The following PARD3 variants were observed in gnomAD, a reference collection of about 807,000 sequenced individuals.
The protein encoded by PARD3 is partitioning defective 3 homolog.
Under a neutral mutation model 155.4 loss-of-function variants are expected in PARD3, and 75 were observed. That is an observed-to-expected ratio of 0.48 (90% CI 0.40 to 0.58). PARD3 has a LOEUF of 0.58. PARD3 is among the 20% of genes least tolerant of loss of function. PARD3 has a pLI of 0.00. For synonymous variants in PARD3, 576 were observed against 610.5 expected, an observed-to-expected ratio of 0.94 and a Z score of 0.83; for missense variants, 1,642 against 1,721.7, an observed-to-expected ratio of 0.95 and a Z score of 0.82.
At chr10:34,723,799 G>A (rs577967372) in intron 1 of PARD3, among the ~76,000 whole-genome samples, 1 of 152,286 alleles carries the variant, frequency 6.6e-6, no homozygotes, top group Non-Finnish European at 1.5e-5. Flanking sequence ...CTGCAGGCTT[G>A]AGCACACCGC....
intron 1 of PARD3, among the ~76,000 whole-genome samples, chr10:34,765,954 T>A (rs546869615): frequency 1.3e-5 from 2 of 152,324 alleles, no homozygotes; most frequent in South Asian, 4.1e-4. Context: ...TTAGGTAATT[T>A]GCCTAAAGAT....
chr10:34,507,240 A>AT (rs903846677), intron 3 of PARD3, among the ~76,000 whole-genome samples: 1 of 152,172 alleles, frequency 6.6e-6, no homozygotes, highest in Non-Finnish European at 1.5e-5. Context: ...AATTTACTTA[A>AT]TTTTTTAATG....
chr10:34,734,078 G>A (rs1222734005), intron 1 of PARD3, among the ~76,000 whole-genome samples: 1 of 151,156 alleles, frequency 6.6e-6, no homozygotes, highest in Non-Finnish European at 1.5e-5. Flanking sequence ...GTAACCATAT[G>A]GTTTTAATGT....
intron 5 of PARD3, among the ~76,000 whole-genome samples, chr10:34,445,268 T>C (rs905641306): frequency 2.0e-5 from 3 of 152,218 alleles, no homozygotes; most frequent in Admixed American, 1.3e-4. Flanking sequence ...GTATAAAGCA[T>C]AACCTAAGAT....
At chr10:34,743,965 T>C (rs115558828) in intron 1 of PARD3, among the ~76,000 whole-genome samples, 4,684 of 152,200 alleles carry the variant, frequency 0.031, 233 homozygotes, top group African/African-American at 0.11. Flanking sequence ...GCCTGGAGAA[T>C]TGCTCAGAGT....
chr10:34,656,158 C>A (rs2093161167), intron 2 of PARD3, among the ~76,000 whole-genome samples: 1 of 151,984 alleles, frequency 6.6e-6, no homozygotes, highest in South Asian at 2.1e-4. Flanking sequence ...TACTTAACAC[C>A]ACTGCCCCCC....
chr10:34,539,558 G>C (rs531753430), intron 2 of PARD3, among the ~76,000 whole-genome samples: 3 of 152,276 alleles, frequency 2.0e-5, no homozygotes, highest in South Asian at 2.1e-4. Context: ...TACTCTGAAG[G>C]CTTAGGCAGG....
At chr10:34,494,085 A>G (rs540410730) in intron 3 of PARD3, among the ~76,000 whole-genome samples, 2 of 152,326 alleles carry the variant, frequency 1.3e-5, no homozygotes, top group African/African-American at 4.8e-5. Context: ...CAGTGGATCT[A>G]GAGAACCCAC....
chr10:34,697,265 C>G (rs2133491449), intron 1 of PARD3, among the ~76,000 whole-genome samples: 1 of 152,286 alleles, frequency 6.6e-6, no homozygotes, highest in South Asian at 2.1e-4. Flanking sequence ...TGAAAATATA[C>G]TAAATTGCAT....
At chr10:34,501,292 C>A (rs2080685073) in intron 3 of PARD3, among the ~76,000 whole-genome samples, 1 of 152,104 alleles carries the variant, frequency 6.6e-6, no homozygotes, top group South Asian at 2.1e-4. Flanking sequence ...GATATCTGAT[C>A]ATTTAAAAGT....
intron 19 of PARD3, among the ~76,000 whole-genome samples, chr10:34,323,915 A>T (rs1316341591): frequency 2.0e-5 from 3 of 152,252 alleles, no homozygotes; most frequent in Non-Finnish European, 2.9e-5. Context: ...GGGACAATTT[A>T]AAATGAAGCT....
intron 2 of PARD3, among the ~76,000 whole-genome samples, chr10:34,579,634 G>A (rs2087248566): frequency 1.3e-5 from 2 of 150,530 alleles, no homozygotes; most frequent in African/African-American, 2.4e-5. Flanking sequence ...AGGCTGGAGT[G>A]CAGTGGCATG....
At chr10:34,214,784 A>T (rs1400190523) in intron 22 of PARD3, among the ~76,000 whole-genome samples, 1 of 152,230 alleles carries the variant, frequency 6.6e-6, no homozygotes, top group Non-Finnish European at 1.5e-5. Flanking sequence ...ATCAGAAGTG[A>T]CATTTTGAAG....
intron 2 of PARD3, among the ~76,000 whole-genome samples, chr10:34,607,344 TAAG>T (rs766928176): frequency 2.0e-5 from 3 of 152,012 alleles, no homozygotes; most frequent in Admixed American, 1.3e-4. Context: ...ATATCAGAAA[TAAG>T]AAGATGACAA....
chr10:34,666,805 A>ATATG (rs2093490827), intron 2 of PARD3, among the ~76,000 whole-genome samples: 1 of 101,690 alleles, frequency 9.8e-6, no homozygotes, highest in African/African-American at 4.8e-5. Flanking sequence ...AAATATATAT[A>ATATG]TATATATATA....
intron 2 of PARD3, among the ~76,000 whole-genome samples, chr10:34,629,706 C>T (rs1027471480): frequency 1.3e-5 from 2 of 152,210 alleles, no homozygotes; most frequent in African/African-American, 4.8e-5. Context: ...AGATAAAACA[C>T]TTCATCTGGT....
intron 1 of PARD3, among the ~76,000 whole-genome samples, chr10:34,778,892 GACAA>G (rs1157626241): frequency 1.3e-5 from 2 of 152,198 alleles, no homozygotes; most frequent in African/African-American, 4.8e-5. Context: ...ACAAAGGACT[GACAA>G]ACAGCAGCTA....
intron 5 of PARD3, among the ~76,000 whole-genome samples, chr10:34,423,983 A>G (rs1564697240): frequency 6.6e-6 from 1 of 152,202 alleles, no homozygotes; most frequent in African/African-American, 2.4e-5. Flanking sequence ...TCCCCAAGCA[A>G]TATTATTCCA....
chr10:34,685,442 C>G (rs1040581917), intron 2 of PARD3, among the ~76,000 whole-genome samples: 1 of 152,142 alleles, frequency 6.6e-6, no homozygotes, highest in Admixed American at 6.6e-5. Context: ...AAAAACAGTA[C>G]GCTGGTCACC....
Sources: gnomAD v4.1 joint callset for allele counts (sites outside exome capture counted in the v4.1 genomes callset) on GRCh38, gnomAD v4.1.1 for gene constraint, MANE v1.5 for transcripts, NCBI Gene and HGNC (gene_info 2026-07-23, HGNC 2026-07-21) for gene names.